Variants in TMEM150C observed in about 807,000 individuals in gnomAD.
The protein encoded by TMEM150C is tentonin 3.
In TMEM150C, 10 loss-of-function variants were observed where a neutral mutation model predicts 29.9. The observed-to-expected ratio is 0.33, with a 90% CI of 0.21 to 0.57. TMEM150C has a LOEUF of 0.57. Among genes scored for constraint, TMEM150C ranks in the 20% least tolerant of loss-of-function variants. The probability of loss-of-function intolerance (pLI) is 0.88; values close to 1 mark genes in which losing one functional copy is unlikely to be tolerated. For synonymous variants in TMEM150C, 101 were observed against 112.5 expected, an observed-to-expected ratio of 0.90 and a Z score of 0.64; for missense variants, 251 against 303.6, an observed-to-expected ratio of 0.83 and a Z score of 1.29.
intron 6 of TMEM150C, among the ~76,000 whole-genome samples, chr4:82,492,513 T>C (rs1422251543): frequency 1.3e-5 from 2 of 152,050 alleles, no homozygotes; most frequent in African/African-American, 4.8e-5. Flanking sequence ...TTGCCACATA[T>C]AGAGACCCAT....
At chr4:82,500,999 T>C (rs748306333) in intron 5 of TMEM150C, among the ~76,000 whole-genome samples, 13 of 152,232 alleles carry the variant, frequency 8.5e-5, no homozygotes, top group Non-Finnish European at 1.6e-4. Context: ...TACGAATAGA[T>C]GGCAGCCTGC....
chr4:82,486,892 A>G (rs1723181145), intron 7 of TMEM150C, among the ~76,000 whole-genome samples: 1 of 152,176 alleles, frequency 6.6e-6, no homozygotes, highest in South Asian at 2.1e-4. Flanking sequence ...AAAAGTTCAT[A>G]GCAGCTTTAG....
chr4:82,547,903 A>G (rs572725956), intron 1 of TMEM150C, among the ~76,000 whole-genome samples: 6 of 152,198 alleles, frequency 3.9e-5, no homozygotes, highest in Non-Finnish European at 8.8e-5. Flanking sequence ...ACATGCACTC[A>G]TATGTTCATC....
At chr4:82,559,326 A>G (rs942900908) in intron 1 of TMEM150C, among the ~76,000 whole-genome samples, 6 of 151,680 alleles carry the variant, frequency 4.0e-5, no homozygotes, top group Non-Finnish European at 7.4e-5. Flanking sequence ...GGGTGGCTCA[A>G]TTGAGGTCAA....
intron 1 of TMEM150C, among the ~76,000 whole-genome samples, chr4:82,556,715 G>C (rs764296952): frequency 7.9e-5 from 12 of 152,000 alleles, no homozygotes; most frequent in Non-Finnish European, 1.6e-4. Context: ...AGTTAAATAA[G>C]TATATGTATC....
intron 1 of TMEM150C, among the ~76,000 whole-genome samples, chr4:82,533,851 A>G (rs1402229013): frequency 1.3e-5 from 2 of 152,232 alleles, no homozygotes; most frequent in African/African-American, 4.8e-5. Context: ...TAAATCAGGA[A>G]AAAAGTTACC....
chr4:82,556,325 C>G (rs1481259196), intron 1 of TMEM150C, among the ~76,000 whole-genome samples: 1 of 152,166 alleles, frequency 6.6e-6, no homozygotes, highest in Non-Finnish European at 1.5e-5. Context: ...TGGCCTGGTA[C>G]TTGTTATACA....
intron 1 of TMEM150C, among the ~76,000 whole-genome samples, chr4:82,507,521 T>C: frequency 6.6e-6 from 1 of 152,040 alleles, no homozygotes. Context: ...GACTAAAGAA[T>C]TCGCAATAGA....
At chr4:82,536,375 A>G (rs1013293761) in intron 1 of TMEM150C, among the ~76,000 whole-genome samples, 1 of 151,612 alleles carries the variant, frequency 6.6e-6, no homozygotes. Context: ...AAAAAAAAAA[A>G]AAAGAATTAT....
At chr4:82,489,730 A>G (rs1425024705) in intron 7 of TMEM150C, among the ~76,000 whole-genome samples, 1 of 152,156 alleles carries the variant, frequency 6.6e-6, no homozygotes, top group Admixed American at 6.5e-5. Flanking sequence ...TTTAAGCTGG[A>G]GGAAAAAAAT....
chr4:82,497,048 G>A (rs2110066299), intron 5 of TMEM150C, among the ~76,000 whole-genome samples: 1 of 152,252 alleles, frequency 6.6e-6, no homozygotes, highest in East Asian at 1.9e-4. Flanking sequence ...AAGCAAATTG[G>A]TATCTGAGAA....
chr4:82,509,888 G>T (rs1724064274), intron 1 of TMEM150C: 1 of 152,180 alleles, frequency 6.6e-6, no homozygotes, highest in Non-Finnish European at 1.5e-5. Flanking sequence ...CAGATAGTTT[G>T]TACAGTGTTA....
chr4:82,501,877 T>C (rs1402677200), intron 5 of TMEM150C, among the ~76,000 whole-genome samples: 2 of 152,188 alleles, frequency 1.3e-5, no homozygotes, highest in African/African-American at 4.8e-5. Context: ...CCCTCAGTAA[T>C]AATACTACCT....
intron 1 of TMEM150C, among the ~76,000 whole-genome samples, chr4:82,545,432 A>C (rs1725344697): frequency 6.6e-6 from 1 of 152,228 alleles, no homozygotes; most frequent in African/African-American, 2.4e-5. Context: ...CCCACAGCCA[A>C]CATTATACTG....
chr4:82,537,086 A>G (rs1433633361), intron 1 of TMEM150C, among the ~76,000 whole-genome samples: 3 of 152,056 alleles, frequency 2.0e-5, no homozygotes, highest in Non-Finnish European at 4.4e-5. Context: ...GGTTCACACC[A>G]TTCTCCTGCC....
Position 82,504,685 on chromosome 4 carries a change from C to T in TMEM150C, c.-10-18G>A, listed in dbSNP as rs756084591. 17 of 1,589,890 alleles carry T rather than the reference C, an allele frequency of 1.1e-5. No homozygotes were observed. Among genetic ancestry groups the T allele is most frequent in the Admixed American group, 1.7e-5 (1 of 59,398 alleles). On this transcript the variant is annotated intron_variant, in intron 1 of 7. Transcript: ENST00000449862. Reference sequence around the variant, plus strand: ...CTGTACCACTGAAATAAAATAAACACGTATTAATAATTAAGGCAAAACATT... The same window carrying T: ...CTGTACCACTGAAATAAAATAAACATGTATTAATAATTAAGGCAAAACATT...
Position 82,485,702 on chromosome 4 carries a change from G to C in TMEM150C, c.559C>G (p.Gln187Glu). Residue 187 changes from glutamine (Q) to glutamate (E), a missense_variant, in exon 8 of 8, where the codon CAA (glutamine) becomes GAA (glutamate). By Grantham distance (29) the Gln-to-Glu change is conservative. Transcript: ENST00000449862. Reference protein sequence around the residue: ...CVVLYFILMAQSIHMYAARVQ... With the variant: ...CVVLYFILMAESIHMYAARVQ... The stretch of plus-strand genomic sequence containing the variant: ...CTGGCTGCATACATGTGGATGCTTT[G>C]GGCCATGAGGATGAAGTCTGGGGAG... 1 of 1,606,932 alleles carries C rather than the reference G, an allele frequency of 6.2e-7. No homozygotes were observed. The highest frequency in any genetic ancestry group is 2.2e-5 in the East Asian group (1 of 44,696).
intron 1 of TMEM150C, among the ~76,000 whole-genome samples, chr4:82,523,978 G>A (rs545816463): frequency 1.3e-5 from 2 of 151,542 alleles, no homozygotes; most frequent in South Asian, 2.1e-4. Flanking sequence ...CACTACACCT[G>A]GCCTCAAATA....
At position 82,530,256 on chromosome 4, in the gene TMEM150C, T is replaced by C. The variant is rs575069062; in HGVS notation, c.-10-25589A>G. On this transcript the variant is annotated intron_variant, in intron 1 of 7. Coordinates refer to ENST00000449862, the MANE Select transcript of TMEM150C (RefSeq NM_001080506.3). ...GGTGTGAGGAGGGTGAACAGACTTA[T>C]AAAAACCATCCTGTTCAGGGGCCAG... Among the ~76,000 whole-genome samples, 8 of 151,940 alleles carry C rather than the reference T, an allele frequency of 5.3e-5. No individual in the cohort carries two copies. In the East Asian group the frequency reaches 1.2e-3, roughly 22 times the overall value.
Sources: allele counts gnomAD v4.1 joint callset (sites outside exome capture counted in the v4.1 genomes callset), GRCh38; gene constraint gnomAD v4.1.1; transcripts MANE v1.5; gene names NCBI Gene and HGNC (gene_info 2026-07-23, HGNC 2026-07-21).